Variants in GLRA2 observed in about 807,000 individuals in gnomAD.
GLRA2 encodes glycine receptor subunit alpha-2.
A neutral mutation model predicts 31.6 loss-of-function variants in GLRA2; 11 were observed. The observed-to-expected ratio is 0.35, with a 90% CI of 0.22 to 0.58. The LOEUF (loss-of-function observed/expected upper bound fraction) is 0.58, where lower values mean the gene tolerates loss of function less well. Ranked by LOEUF, GLRA2 falls within the 20% of genes least tolerant of loss-of-function variation. The probability of loss-of-function intolerance (pLI) is 0.84; values close to 1 mark genes in which losing one functional copy is unlikely to be tolerated. For missense variants in GLRA2, 212 were observed against 351.8 expected (o/e 0.60, Z 3.18); for synonymous variants, 132 against 134.0 (o/e 0.99, Z 0.10).
chrX:14,594,940 GAAAA>G (rs533954335), intron 4 of GLRA2, among the ~76,000 whole-genome samples: 35,090 of 77,162 alleles, frequency 0.45, 6,919 homozygotes, highest in Non-Finnish European at 0.62. Flanking sequence ...AGGTCAACAG[GAAAA>G]AAAAAAAAAA....
intron 8 of GLRA2, among the ~76,000 whole-genome samples, chrX:14,723,863 T>C (rs903149706): frequency 4.4e-5 from 5 of 112,376 alleles, no homozygotes; most frequent in African/African-American, 1.6e-4. Flanking sequence ...TAATTTTCCT[T>C]CAGAGCCCTT....
chrX:14,714,159 G>A (rs1191804689), intron 8 of GLRA2, among the ~76,000 whole-genome samples: 2 of 110,154 alleles, frequency 1.8e-5, no homozygotes. Flanking sequence ...GCCCCACATA[G>A]GTGTAGGGGA....
intron 4 of GLRA2, among the ~76,000 whole-genome samples, chrX:14,591,310 G>T (rs2147077515): frequency 8.9e-6 from 1 of 111,813 alleles, no homozygotes; most frequent in East Asian, 2.8e-4. Context: ...TGAGGAACAA[G>T]GAAGCCAGTG....
the GLRA2 span, among the ~76,000 whole-genome samples, chrX:14,505,212 C>G: frequency 8.9e-6 from 1 of 111,889 alleles, no homozygotes; most frequent in Non-Finnish European, 1.9e-5. Flanking sequence ...GTTCCAAAGG[C>G]TGAAGGATTC....
At chrX:14,548,792 T>C (rs988165030) in intron 2 of GLRA2, among the ~76,000 whole-genome samples, 1 of 111,720 alleles carries the variant, frequency 9.0e-6, no homozygotes, top group Non-Finnish European at 1.9e-5. Context: ...TATACCTGAA[T>C]TGCCAGGGAG....
intron 2 of GLRA2, among the ~76,000 whole-genome samples, chrX:14,572,170 A>T (rs1315600816): frequency 8.9e-6 from 1 of 112,413 alleles, no homozygotes. Context: ...TTATCAGGAA[A>T]GATAAAAACG....
At chrX:14,614,959 G>C (rs1009241838) in intron 7 of GLRA2, among the ~76,000 whole-genome samples, 6 of 111,844 alleles carry the variant, frequency 5.4e-5, no homozygotes, top group Non-Finnish European at 1.1e-4. Flanking sequence ...AATACAGGGT[G>C]TTGGGTATAA....
chrX:14,463,814 C>T, the GLRA2 span, among the ~76,000 whole-genome samples: 1 of 111,787 alleles, frequency 8.9e-6, no homozygotes, highest in African/African-American at 3.3e-5. Context: ...ATCCCCTGAC[C>T]CCTTGTGCTT....
intron 7 of GLRA2, among the ~76,000 whole-genome samples, chrX:14,661,969 G>T (rs1406856895): frequency 9.2e-6 from 1 of 108,826 alleles, no homozygotes; most frequent in African/African-American, 3.3e-5. Flanking sequence ...AATTTTTGAG[G>T]TTCATAATAT....
chrX:14,604,543 AGTGTGTGTGTGTGTGT>A lies in GLRA2; in HGVS notation c.577+181_577+196del, dbSNP rs377121617. 85 of 161,390 alleles carry A rather than the reference AGTGTGTGTGTGTGTGT, an allele frequency of 5.3e-4. 1 individual carries two copies. The highest frequency in any genetic ancestry group is 1.5e-3 in the African/African-American group (39 of 25,247). The allele number at this position is 161,390 out of a possible 1,213,427, so 13.3% of individuals were successfully genotyped here. A position where few individuals can be genotyped will look rare whatever the true frequency, so the allele number is the denominator to read the frequency against. On this transcript the variant is annotated intron_variant, in intron 5 of 8. Coordinates refer to ENST00000218075, the MANE Select transcript of GLRA2 (RefSeq NM_002063.4). ...ACATCCTAATGGAAAGACAAACCAA[AGTGTGTGTGTGTGTGT>A]GTGTGTGTGTGTGTGTGTGTGTGTG... is the stretch of plus-strand genomic sequence containing the variant.
chrX:14,493,453 A>G, the GLRA2 span, among the ~76,000 whole-genome samples: 10 of 107,439 alleles, frequency 9.3e-5, no homozygotes, highest in Non-Finnish European at 1.9e-4. Flanking sequence ...ACAAATGTGA[A>G]TTTTACTATA....
intron 8 of GLRA2, among the ~76,000 whole-genome samples, chrX:14,697,354 G>A (rs1306432405): frequency 8.9e-6 from 1 of 111,860 alleles, no homozygotes; most frequent in Non-Finnish European, 1.9e-5. Context: ...AAGTGGAAAC[G>A]GGTTTGGTTG....
intron 2 of GLRA2, among the ~76,000 whole-genome samples, chrX:14,571,721 CTT>C (rs1277737022): frequency 2.7e-5 from 3 of 110,730 alleles, no homozygotes; most frequent in Non-Finnish European, 5.7e-5. Context: ...CATCAAAAAA[CTT>C]TTTTTCTTTC....
At chrX:14,502,427 T>C in the GLRA2 span, among the ~76,000 whole-genome samples, 25 of 112,032 alleles carry the variant, frequency 2.2e-4, no homozygotes, top group Non-Finnish European at 9.4e-5. Flanking sequence ...TGTAAAAATA[T>C]GCAAATGTGA....
chrX:14,533,070 AGTTT>A (rs1349086212), intron 2 of GLRA2, among the ~76,000 whole-genome samples: 3 of 111,366 alleles, frequency 2.7e-5, no homozygotes, highest in Admixed American at 1.9e-4. Context: ...AAATATATTT[AGTTT>A]ATTTTTATTC....
chrX:14,533,728 T>C (rs1296304076), intron 2 of GLRA2, among the ~76,000 whole-genome samples: 2 of 111,271 alleles, frequency 1.8e-5, no homozygotes, highest in East Asian at 2.8e-4. Flanking sequence ...TTGGGTGCTT[T>C]GTAAAATTGG....
intron 8 of GLRA2, among the ~76,000 whole-genome samples, chrX:14,712,842 G>T (rs1000439927): frequency 2.7e-5 from 3 of 111,566 alleles, no homozygotes; most frequent in African/African-American, 9.8e-5. Context: ...TCTAGCCACC[G>T]TGTCTAACAA....
chrX:14,636,643 A>G (rs1048204325), intron 7 of GLRA2, among the ~76,000 whole-genome samples: 6 of 111,462 alleles, frequency 5.4e-5, no homozygotes, highest in African/African-American at 1.3e-4. Context: ...GAATCCTTGA[A>G]CAACAGTAAG....
chrX:14,704,935 T>C (rs753213396), intron 8 of GLRA2, among the ~76,000 whole-genome samples: 2 of 111,916 alleles, frequency 1.8e-5, no homozygotes, highest in Non-Finnish European at 3.8e-5. Context: ...AAGAGAGTTA[T>C]AGTTGGAGCT....
Sources: gnomAD v4.1 joint callset for allele counts (sites outside exome capture counted in the v4.1 genomes callset) on GRCh38, gnomAD v4.1.1 for gene constraint, MANE v1.5 for transcripts, NCBI Gene and HGNC (gene_info 2026-07-23, HGNC 2026-07-21) for gene names.